The following GPC5 variants were observed in gnomAD, a reference collection of about 807,000 sequenced individuals.
GPC5 encodes the protein glypican-5.
A neutral mutation model predicts 53.9 loss-of-function variants in GPC5; 47 were observed. The observed-to-expected ratio is 0.87, with a 90% confidence interval of 0.69 to 1.11. The LOEUF (loss-of-function observed/expected upper bound fraction) is 1.11, where lower values mean the gene tolerates loss of function less well. Among genes scored for constraint, GPC5 ranks in the 50% most tolerant of loss-of-function variants. The pLI is 0.00. For synonymous variants in GPC5, 286 were observed against 263.3 expected (o/e 1.09, Z -0.84); for missense variants, 748 against 713.1 (o/e 1.05, Z -0.56).
intron 6 of GPC5, among the ~76,000 whole-genome samples, chr13:92,124,629 A>G (rs929413253): frequency 2.0e-5 from 3 of 152,198 alleles, no homozygotes; most frequent in African/African-American, 7.2e-5. Flanking sequence ...CTGCAGAGTC[A>G]GACTTCTGCA....
chr13:91,786,031 C>CCAG (rs1440928817), intron 5 of GPC5, among the ~76,000 whole-genome samples: 2 of 152,152 alleles, frequency 1.3e-5, no homozygotes, highest in Non-Finnish European at 2.9e-5. Flanking sequence ...AAGTCTCGCT[C>CCAG]TGTCACCCAG....
At position 91,842,431 on chromosome 13, in the gene GPC5, G is replaced by A. The variant is rs1486195065; in HGVS notation, c.1281-65506G>A. Among the ~76,000 whole-genome samples, 6 of 149,330 alleles carry A rather than the reference G, an allele frequency of 4.0e-5. No homozygotes were observed. The South Asian group carries it at 1.1e-3, about 27-fold the overall frequency. The stretch of plus-strand genomic sequence containing the variant: ...TTAAGAATGTTATTTAGCCGGGCGC[G>A]GTGGCTCACGCCTGTAATCCTAGCA... On this transcript the variant is annotated intron_variant, in intron 5 of 7. Transcript: ENST00000377067.
chr13:91,565,630 T>C (rs2065850), intron 2 of GPC5, among the ~76,000 whole-genome samples: 25,999 of 152,290 alleles, frequency 0.17, 2,380 homozygotes, highest in South Asian at 0.35. Flanking sequence ...TGGTTGTTTG[T>C]CCTAGGCGTT....
chr13:91,608,250 T>C (rs1482628235), intron 2 of GPC5, among the ~76,000 whole-genome samples: 1 of 152,198 alleles, frequency 6.6e-6, no homozygotes, highest in Non-Finnish European at 1.5e-5. Context: ...TGTGGATTGT[T>C]ATAACAATAT....
At chr13:91,700,948 G>T (rs376247679) in intron 3 of GPC5, among the ~76,000 whole-genome samples, 1 of 152,056 alleles carries the variant, frequency 6.6e-6, no homozygotes. Context: ...TATGTGAATA[G>T]GTCTTCAGGT....
chr13:92,459,187 T>A (rs1422991266), intron 7 of GPC5, among the ~76,000 whole-genome samples: 1 of 152,162 alleles, frequency 6.6e-6, no homozygotes, highest in Non-Finnish European at 1.5e-5. Context: ...TTTTCTAGTT[T>A]ATATAACAAA....
At chr13:91,640,025 T>C (rs78983370) in intron 2 of GPC5, among the ~76,000 whole-genome samples, 1 of 152,150 alleles carries the variant, frequency 6.6e-6, no homozygotes, top group African/African-American at 2.4e-5. Context: ...CTTTTTTTTT[T>C]CATTGTCTTT....
intron 6 of GPC5, among the ~76,000 whole-genome samples, chr13:92,061,737 A>T (rs8000430): frequency 1.3e-5 from 2 of 152,008 alleles, no homozygotes; most frequent in Admixed American, 6.5e-5. Flanking sequence ...GTCCATGAAG[A>T]TATGTTTGTT....
intron 7 of GPC5, among the ~76,000 whole-genome samples, chr13:92,591,130 A>C (rs1883699832): frequency 6.6e-6 from 1 of 152,192 alleles, no homozygotes; most frequent in Non-Finnish European, 1.5e-5. Context: ...GATTGGGAAA[A>C]AAATAATGTT....
chr13:91,885,628 C>T (rs1177288143), intron 5 of GPC5, among the ~76,000 whole-genome samples: 2 of 152,178 alleles, frequency 1.3e-5, no homozygotes, highest in Admixed American at 1.3e-4. Context: ...CTTTGCCCTC[C>T]AGAGCCCTGA....
chr13:92,805,533 C>T (rs1270811211), intron 7 of GPC5, among the ~76,000 whole-genome samples: 2 of 152,030 alleles, frequency 1.3e-5, no homozygotes, highest in South Asian at 2.1e-4. Context: ...ACAATCTGAA[C>T]TCAAGCAATC....
intron 5 of GPC5, among the ~76,000 whole-genome samples, chr13:91,868,039 T>C (rs2039103028): frequency 6.6e-6 from 1 of 152,178 alleles, no homozygotes; most frequent in Non-Finnish European, 1.5e-5. Flanking sequence ...AGGAAAATGG[T>C]GTGTTTAAAC....
intron 5 of GPC5, among the ~76,000 whole-genome samples, chr13:91,850,726 T>C (rs1279358396): frequency 6.6e-6 from 1 of 152,154 alleles, no homozygotes; most frequent in Admixed American, 6.6e-5. Flanking sequence ...TTTGTGACTT[T>C]TCAAGCTTCA....
intron 6 of GPC5, among the ~76,000 whole-genome samples, chr13:91,974,217 G>A (rs2040274101): frequency 1.3e-5 from 2 of 152,192 alleles, no homozygotes; most frequent in Admixed American, 6.5e-5. Context: ...ACAAGACAGG[G>A]ATGACCTCTC....
At chr13:92,515,021 G>T (rs1880717545) in intron 7 of GPC5, among the ~76,000 whole-genome samples, 2 of 152,102 alleles carry the variant, frequency 1.3e-5, no homozygotes, top group Admixed American at 1.3e-4. Context: ...AAGCAAAAAT[G>T]GTGAAAGTTA....
At chr13:91,470,678 C>G (rs947066293) in intron 2 of GPC5, among the ~76,000 whole-genome samples, 1 of 152,094 alleles carries the variant, frequency 6.6e-6, no homozygotes, top group African/African-American at 2.4e-5. Context: ...AACCTTGATA[C>G]TATTTTAACT....
intron 7 of GPC5, among the ~76,000 whole-genome samples, chr13:92,244,449 G>C (rs1463965803): frequency 6.6e-6 from 1 of 152,106 alleles, no homozygotes; most frequent in Non-Finnish European, 1.5e-5. Flanking sequence ...GCATGGACTA[G>C]AGTCAATATT....
At chr13:91,727,739 GAC>G (rs1422606570) in intron 3 of GPC5, among the ~76,000 whole-genome samples, 1 of 152,062 alleles carries the variant, frequency 6.6e-6, no homozygotes. Context: ...GAAAAATTAG[GAC>G]CAGAACCAGA....
intron 7 of GPC5, among the ~76,000 whole-genome samples, chr13:92,595,422 A>G (rs1200401503): frequency 6.6e-6 from 1 of 152,184 alleles, no homozygotes; most frequent in Admixed American, 6.5e-5. Flanking sequence ...GTCGCCTACC[A>G]TATGTAAACC....
Sources: gnomAD v4.1 joint callset for allele counts (sites outside exome capture counted in the v4.1 genomes callset) on GRCh38, gnomAD v4.1.1 for gene constraint, MANE v1.5 for transcripts, NCBI Gene and HGNC (gene_info 2026-07-23, HGNC 2026-07-21) for gene names.